CPLANE1: variants seen among roughly 807,000 people sequenced by gnomAD.
The protein encoded by CPLANE1 is ciliogenesis and planar polarity effector complex subunit 1.
CPLANE1 carries 263 observed loss-of-function variants against 362.5 expected under a neutral mutation model. The ratio of observed to expected loss-of-function variants is 0.73; its 90% confidence interval spans 0.66 to 0.80. The LOEUF (loss-of-function observed/expected upper bound fraction) is 0.80. Among genes scored for constraint, CPLANE1 ranks in the 30% least tolerant of loss-of-function variants. The probability of loss-of-function intolerance (pLI) is 0.00; values close to 1 mark genes in which losing one functional copy is unlikely to be tolerated. For synonymous variants in CPLANE1, 1,212 were observed against 1,302.6 expected, an observed-to-expected ratio of 0.93 and a Z score of 1.50; for missense variants, 3,461 against 3,793.4, an observed-to-expected ratio of 0.91 and a Z score of 2.30.
rs368645718 is a variant in CPLANE1 at position 37,179,322 on chromosome 5, T to C, written c.5820+39A>G. 11 of 1,259,512 alleles carry C rather than the reference T, an allele frequency of 8.7e-6. No individual in the cohort carries two copies. In the African/African-American group the frequency reaches 1.6e-4, roughly 19 times the overall value. The allele number at this position is 1,259,512 out of a possible 1,614,324, so 78.0% of individuals were successfully genotyped here. On this transcript the variant is annotated intron_variant, in intron 29 of 52. Coordinates refer to ENST00000651892, the MANE Select transcript of CPLANE1 (RefSeq NM_001384732.1). ...TGTATAATTTAAACACTATACAAAA[T>C]GAAAGAAGAATAATTATATCCACTA...
In CPLANE1 at chr5:37,206,330, G is replaced by A. The variant is rs1301839758; in HGVS notation, c.3016C>T (p.Leu1006Phe). ...LSNVWTVEYA[L>F]ELLFIGGLVP... ...AGGCCACCAATAAATAGTAATTCAA[G>A]TGCATATTCAACTGTCCACACATTA... is the stretch of plus-strand genomic sequence containing the variant. The change falls in exon 17 of 53, where the codon CTT becomes TTT. Residue 1006 changes from leucine (L) to phenylalanine (F), a missense_variant. This residue lies in a region of CPLANE1 where 3,380 missense variants were observed against 3,666.1 expected (regional missense o/e 0.92). Transcript: ENST00000651892. The A allele has an allele frequency of 3.9e-6, 6 of 1,551,460 alleles. No individual in the cohort carries two copies. The highest frequency in any genetic ancestry group is 5.2e-6 in the Non-Finnish European group (6 of 1,146,762).
Position 37,221,307 on chromosome 5 carries a change from G to T in CPLANE1, c.2746+17C>A. Reference sequence around the variant, plus strand: ...GTCTCTTTTTAAAAATACAAAGAAAGAAAAAAAAAAGCATACCTGAAAAAT... The same window carrying T: ...GTCTCTTTTTAAAAATACAAAGAAATAAAAAAAAAAGCATACCTGAAAAAT... On this transcript the variant is annotated intron_variant, in intron 15 of 52. Transcript: ENST00000651892. The T allele has an allele frequency of 7.6e-7, 1 of 1,323,620 alleles. No homozygotes were observed. The highest frequency in any genetic ancestry group is 1.0e-6 in the Non-Finnish European group (1 of 1,000,874). The allele number at this position is 1,323,620 out of a possible 1,614,324, so 82.0% of individuals were successfully genotyped here.
intron 50 of CPLANE1, among the ~76,000 whole-genome samples, chr5:37,116,378 C>A (rs1389766042): frequency 1.3e-5 from 2 of 150,806 alleles, no homozygotes; most frequent in East Asian, 2.0e-4. Context: ...CCCCGTTACT[C>A]CGAAGGCTGA....
At chr5:37,116,666 T>C (rs1283023144) in intron 50 of CPLANE1, among the ~76,000 whole-genome samples, 1 of 151,844 alleles carries the variant, frequency 6.6e-6, no homozygotes, top group Non-Finnish European at 1.5e-5. Context: ...CTGAAGAAAT[T>C]AGCCAAAAAC....
chr5:37,243,017 C>G lies in CPLANE1; in HGVS notation c.673G>C (p.Val225Leu). 6.5e-7 allele frequency: 1 copy of G among 1,527,312 alleles called. No homozygotes were observed. The allele number at this position is 1,527,312 out of a possible 1,614,324, so 94.6% of individuals were successfully genotyped here. The change falls in exon 6 of 53, where the codon GTA becomes CTA. Residue 225 changes from valine to leucine, a missense_variant. This residue lies in a region of CPLANE1 where 3,380 missense variants were observed against 3,666.1 expected (regional missense o/e 0.92). Transcript: ENST00000651892. ...AGAAGAAAACATTTACCTCACCTTACAGATGTAAATACATTCTCATGCCAC... is the reference window on the plus strand; with the variant it reads ...AGAAGAAAACATTTACCTCACCTTAGAGATGTAAATACATTCTCATGCCAC... Reference protein sequence around the residue: ...IRWHENVFTSVRSLPYHVHWA... With the variant: ...IRWHENVFTSLRSLPYHVHWA...
chr5:37,103,749 T>C (rs908874281), downstream of CPLANE1, among the ~76,000 whole-genome samples: 6 of 152,262 alleles, frequency 3.9e-5, no homozygotes, highest in African/African-American at 1.4e-4. Flanking sequence ...GTTAGTCTGA[T>C]GGGCTTACTT....
chr5:37,195,788 T>C, intron 21 of CPLANE1, 70 bp downstream of exon 21: 1 of 1,497,870 alleles, frequency 6.7e-7, no homozygotes, highest in Non-Finnish European at 9.0e-7. Flanking sequence ...GAAGAGTCAA[T>C]ACTTTCCCAA....
At chr5:37,233,700 T>C (rs1210652682) in intron 8 of CPLANE1, among the ~76,000 whole-genome samples, 1 of 151,460 alleles carries the variant, frequency 6.6e-6, no homozygotes, top group Non-Finnish European at 1.5e-5. Flanking sequence ...CCCAGGGGCC[T>C]GAGAAACCAC....
At chr5:37,239,928 T>C (rs1031604223) in intron 6 of CPLANE1, 59 bp from the exon 7 acceptor site, 25 of 1,217,992 alleles carry the variant, frequency 2.1e-5, no homozygotes, top group Admixed American at 3.1e-5. Context: ...AATTTATATG[T>C]AGTTCATTAC....
intron 49 of CPLANE1, 112 bp from the exon 50 acceptor site, chr5:37,120,452 C>T (rs573561023): frequency 8.2e-6 from 7 of 855,244 alleles, no homozygotes; most frequent in East Asian, 3.3e-5. Flanking sequence ...AGCCTATAGC[C>T]CCAGCTACTG....
Position 37,247,738 on chromosome 5 carries a change from C to T in CPLANE1, c.-40G>A. On this transcript the variant is annotated 5_prime_UTR_variant, in exon 2 of 53. Coordinates refer to ENST00000651892, the MANE Select transcript of CPLANE1 (RefSeq NM_001384732.1). ...CAATGACCAATTAAGTAAAACAGTC[C>T]CAAGATTCTGTAAACAATAATAGTA... 6.6e-7 allele frequency: 1 copy of T among 1,507,042 alleles called. No individual in the cohort carries two copies. The highest frequency in any genetic ancestry group is 2.2e-5 in the Admixed American group (1 of 44,658). 93.4% of individuals were successfully genotyped at this position (1,507,042 alleles called of 1,614,324 possible).
intron 35 of CPLANE1, 94 bp downstream of exon 35, chr5:37,166,953 C>T (rs1041111888): frequency 7.0e-6 from 7 of 994,134 alleles, no homozygotes; most frequent in African/African-American, 4.9e-5. Context: ...TTGTGTATAG[C>T]CTAGGAGACT....
intron 15 of CPLANE1, among the ~76,000 whole-genome samples, chr5:37,219,733 A>AT (rs532122527): frequency 6.6e-6 from 1 of 152,060 alleles, no homozygotes; most frequent in Non-Finnish European, 1.5e-5. Context: ...GATTCAATAG[A>AT]TTTTTTTAAG....
the CPLANE1 span, among the ~76,000 whole-genome samples, chr5:37,095,660 A>C: frequency 6.6e-6 from 1 of 152,174 alleles, no homozygotes; most frequent in Non-Finnish European, 1.5e-5. Flanking sequence ...CTGATTATAT[A>C]ATTGTTTACC....
rs1285812540 is a variant in CPLANE1, at chr5:37,211,536, A to C, written c.2920+2023T>G. The C allele has an allele frequency of 9.4e-6, 12 of 1,272,326 alleles. No individual in the cohort carries two copies. In the South Asian group the frequency reaches 1.1e-4, roughly 12 times the overall value. 78.8% of individuals were successfully genotyped at this position (1,272,326 alleles called of 1,614,324 possible). On this transcript the variant is annotated intron_variant, in intron 16 of 52. Coordinates refer to ENST00000651892, the MANE Select transcript of CPLANE1 (RefSeq NM_001384732.1). ...AGCCCTGACAGGCAGTGCAGCCTCA[A>C]GGCTATGCGGGGGCACTTCCTCCAG...
intron 18 of CPLANE1, among the ~76,000 whole-genome samples, chr5:37,202,998 T>C (rs779219341): frequency 6.6e-6 from 1 of 151,674 alleles, no homozygotes; most frequent in Non-Finnish European, 1.5e-5. Context: ...TCTTTTCCAG[T>C]TCACAAATTT....
intron 33 of CPLANE1, 87 bp from the exon 34 acceptor site, chr5:37,169,648 G>C: frequency 8.6e-7 from 1 of 1,162,040 alleles, no homozygotes; most frequent in Non-Finnish European, 1.2e-6. Context: ...TTTTGCAGTG[G>C]GTAGAATGTA....
At chr5:37,210,046 G>A in intron 16 of CPLANE1, 1 of 804,280 alleles carries the variant, frequency 1.2e-6, no homozygotes, top group Admixed American at 2.1e-5. Flanking sequence ...ACCGAAATAG[G>A]AAAAATTAAA....
chr5:37,210,422 T>C, intron 16 of CPLANE1: 7 of 997,220 alleles, frequency 7.0e-6, no homozygotes, highest in Non-Finnish European at 1.1e-5. Context: ...TCCTAAAGTA[T>C]CAACTTGAAC....
Sources: gnomAD v4.1 joint callset for allele counts (sites outside exome capture counted in the v4.1 genomes callset) on GRCh38, gnomAD v4.1.1 for gene constraint, gnomAD v4.1.1 regional missense constraint, MANE v1.5 for transcripts, NCBI Gene and HGNC (gene_info 2026-07-23, HGNC 2026-07-21) for gene names.